The following RACGAP1 variants were observed in gnomAD, a reference collection of about 807,000 sequenced individuals.
RACGAP1 encodes the protein Rac GTPase activating protein 1, also known as rac GTPase-activating protein 1.
RACGAP1 carries 30 observed loss-of-function variants against 78.1 expected under a neutral mutation model. That is an observed-to-expected ratio of 0.38 (90% CI 0.29 to 0.52). RACGAP1 has a LOEUF of 0.52. Among genes scored for constraint, RACGAP1 ranks in the 20% least tolerant of loss-of-function variants. The probability of loss-of-function intolerance (pLI) is 0.82; values close to 1 mark genes in which losing one functional copy is unlikely to be tolerated. For missense variants in RACGAP1, 587 were observed against 777.1 expected (o/e 0.76, Z 2.91); for synonymous variants, 231 against 264.8 (o/e 0.87, Z 1.24).
At chr12:49,992,169 G>C (rs758889338) in intron 14 of RACGAP1, 36 bp from the exon 15 acceptor site, 1 of 1,612,768 alleles carries the variant, frequency 6.2e-7, no homozygotes, top group Admixed American at 1.7e-5. Context: ...AACTTCCAAA[G>C]CTCAGGGCTT....
intron 8 of RACGAP1, 123 bp downstream of exon 8, chr12:49,999,493 A>G: frequency 1.0e-6 from 1 of 976,214 alleles, no homozygotes. Context: ...GGTCCTCGGT[A>G]TGCAGCAGTA....
In RACGAP1 at chr12:49,992,548, A is replaced by G. The variant is rs756594941; in HGVS notation, c.1445+2T>C. On this transcript the variant is annotated splice_donor_variant, in intron 13 of 16. Coordinates refer to ENST00000312377, the MANE Select transcript of RACGAP1 (RefSeq NM_001319999.2). LOFTEE classifies it high-confidence loss of function. ...CCCAGAACAAGTTTCTGCTGTACTC[A>G]CCTCTGCAAGTGAATCATGAGGAAA... The G allele has an allele frequency of 3.1e-6, 5 of 1,612,792 alleles. No individual in the cohort carries two copies. Among genetic ancestry groups the G allele is most frequent in the Non-Finnish European group, 4.2e-6 (5 of 1,179,338 alleles).
At chr12:50,028,636 C>G (rs1300238692), upstream of RACGAP1, among the ~76,000 whole-genome samples, 2 of 150,446 alleles carry the variant, frequency 1.3e-5, no homozygotes, top group Non-Finnish European at 3.0e-5. Context: ...GCCAAGTGTG[C>G]TGGTGGATGC....
At chr12:50,017,710 C>T (rs1309674672) in intron 1 of RACGAP1, among the ~76,000 whole-genome samples, 1 of 152,164 alleles carries the variant, frequency 6.6e-6, no homozygotes, top group Non-Finnish European at 1.5e-5. Context: ...TTTCTCTTAA[C>T]CAATGCTTCA....
In RACGAP1 at chr12:50,006,589, G is replaced by C. The variant is rs777546752; in HGVS notation, c.133C>G (p.Gln45Glu). ...KDFEDFRKKW[Q>E]RTDHELGKYK... ...TTCCCCAGCTCATGGTCAGTCCTCT[G>C]CCACTTTTTACGGAAATCCTCAAAG... is the stretch of plus-strand genomic sequence containing the variant. Residue 45 changes from glutamine to glutamate, a missense_variant, in exon 3 of 17, where the codon CAG becomes GAG. Transcript: ENST00000312377. 6 of 1,614,120 alleles carry C rather than the reference G, an allele frequency of 3.7e-6. No homozygotes were observed. The South Asian group carries it at 6.6e-5, about 18-fold the overall frequency.
intron 2 of RACGAP1, among the ~76,000 whole-genome samples, chr12:50,015,072 G>T (rs1465807839): frequency 6.6e-6 from 1 of 151,596 alleles, no homozygotes; most frequent in Non-Finnish European, 1.5e-5. Flanking sequence ...GAGAGATGGG[G>T]TTTTGCCATG....
chr12:50,027,326 A>G (rs1754905321), upstream of RACGAP1, among the ~76,000 whole-genome samples: 1 of 152,220 alleles, frequency 6.6e-6, no homozygotes, highest in Non-Finnish European at 1.5e-5. Flanking sequence ...AATAAGTAGT[A>G]GGACAAAGAC....
At position 50,000,018 on chromosome 12, in the gene RACGAP1, A is replaced by ATGTTTTTTTTTTTTTTTTT. The variant is rs1555172403; in HGVS notation, c.631-286_631-285insAAAAAAAAAAAAAAAAACA. Among the ~76,000 whole-genome samples the ATGTTTTTTTTTTTTTTTTT allele has an allele frequency of 8.2e-4, 82 of 99,606 alleles. 5 individuals are homozygous for ATGTTTTTTTTTTTTTTTTT. The highest frequency in any genetic ancestry group is 2.3e-3 in the South Asian group (6 of 2,558). The allele number at this position is 99,606 out of a possible 152,430, so 65.3% of individuals were successfully genotyped here. Reference sequence around the variant, plus strand: ...AAGCATGCGCCACCACACCTGACTGATTTTTTTTTTTTTGAGACGGAGTCT... The same window carrying ATGTTTTTTTTTTTTTTTTT: ...AAGCATGCGCCACCACACCTGACTGATGTTTTTTTTTTTTTTTTTTTTTTTTTTTTTTGAGACGGAGTCT... On this transcript the variant is annotated intron_variant, in intron 7 of 16. Transcript: ENST00000312377.
At chr12:49,991,470 TATA>T (rs1438491859) in intron 15 of RACGAP1, among the ~76,000 whole-genome samples, 8 of 28,778 alleles carry the variant, frequency 2.8e-4, no homozygotes, top group African/African-American at 6.4e-4. Context: ...TATATATATA[TATA>T]TATATATTTT....
rs1383519042 is a variant in RACGAP1 at position 49,990,411 on chromosome 12, T to C, written c.1824-68A>G. 6 of 1,341,764 alleles carry C rather than the reference T, an allele frequency of 4.5e-6. No homozygotes were observed. The Admixed American group carries it at 7.0e-5, about 16-fold the overall frequency. 83.1% of individuals were successfully genotyped at this position (1,341,764 alleles called of 1,614,324 possible). A position where few individuals can be genotyped will look rare whatever the true frequency, so the allele number is the denominator to read the frequency against. On this transcript the variant is annotated intron_variant, in intron 16 of 16. Transcript: ENST00000312377. ...AATGGTTGAATAAACAACTATAATA[T>C]TACTTGATATAACCCATTATAAGTA...
intron 1 of RACGAP1, among the ~76,000 whole-genome samples, chr12:50,022,832 T>G (rs1950082792): frequency 6.6e-6 from 1 of 152,220 alleles, no homozygotes; most frequent in African/African-American, 2.4e-5. Context: ...TTCCAGTTTT[T>G]CACTTACCTC....
chr12:50,017,715 G>A (rs1592220138), intron 1 of RACGAP1, among the ~76,000 whole-genome samples: 1 of 152,136 alleles, frequency 6.6e-6, no homozygotes, highest in South Asian at 2.1e-4. Context: ...CTTAACCAAT[G>A]CTTCAACATT....
intron 2 of RACGAP1, among the ~76,000 whole-genome samples, chr12:50,011,397 G>C (rs908838540): frequency 6.6e-6 from 1 of 150,876 alleles, no homozygotes; most frequent in African/African-American, 2.4e-5. Context: ...CCTGATTCTA[G>C]TGTCTAAAAA....
At chr12:49,997,713 G>C (rs904166430) in intron 9 of RACGAP1, among the ~76,000 whole-genome samples, 1 of 152,020 alleles carries the variant, frequency 6.6e-6, no homozygotes, top group Non-Finnish European at 1.5e-5. Context: ...AAGTAGCTGG[G>C]ATTACAGGCA....
chr12:50,029,100 C>CA (rs2137774952), upstream of RACGAP1, among the ~76,000 whole-genome samples: 1 of 152,080 alleles, frequency 6.6e-6, no homozygotes, highest in African/African-American at 2.4e-5. Flanking sequence ...CCTGTAGTCC[C>CA]AGCTACTCAG....
chr12:50,018,093 G>A (rs1224672423), intron 1 of RACGAP1, among the ~76,000 whole-genome samples: 2 of 151,524 alleles, frequency 1.3e-5, no homozygotes, highest in African/African-American at 4.8e-5. Flanking sequence ...GGGAGGCAGA[G>A]GTTGTAGTAA....
intron 1 of RACGAP1, among the ~76,000 whole-genome samples, chr12:50,021,858 T>C (rs915728609): frequency 2.6e-5 from 4 of 152,204 alleles, no homozygotes; most frequent in Non-Finnish European, 5.9e-5. Context: ...TAGGAACACA[T>C]TTGAGGACAA....
chr12:50,013,203 GT>G (rs1291537311), intron 2 of RACGAP1, among the ~76,000 whole-genome samples: 2 of 152,186 alleles, frequency 1.3e-5, no homozygotes, highest in Non-Finnish European at 2.9e-5. Flanking sequence ...CAGGATTTCT[GT>G]AAAAATAAAT....
intron 2 of RACGAP1, among the ~76,000 whole-genome samples, chr12:50,008,733 T>C (rs965811141): frequency 1.2e-4 from 18 of 152,082 alleles, no homozygotes; most frequent in African/African-American, 3.6e-4. Flanking sequence ...CCTCAAGTGA[T>C]TGACCTGCCT....
Sources: gnomAD v4.1 joint callset for allele counts (sites outside exome capture counted in the v4.1 genomes callset) on GRCh38, gnomAD v4.1.1 for gene constraint, MANE v1.5 for transcripts, NCBI Gene and HGNC (gene_info 2026-07-23, HGNC 2026-07-21) for gene names.